The following CNTN4 variants were observed in gnomAD, a reference collection of about 807,000 sequenced individuals.
CNTN4 encodes the protein contactin 4, also known as contactin-4.
Under a neutral mutation model 122.5 loss-of-function variants are expected in CNTN4, and 77 were observed. The ratio of observed to expected loss-of-function variants is 0.63; its 90% confidence interval spans 0.52 to 0.76. The LOEUF (loss-of-function observed/expected upper bound fraction) is 0.76, where lower values mean the gene tolerates loss of function less well. Among genes scored for constraint, CNTN4 ranks in the 30% least tolerant of loss-of-function variants. The pLI is 0.00. For missense variants in CNTN4, 1,256 were observed against 1,259.1 expected (o/e 1.00, Z 0.04); for synonymous variants, 512 against 447.0 (o/e 1.15, Z -1.83).
At chr3:2,885,369 T>C in intron 9 of CNTN4, among the ~76,000 whole-genome samples, 1 of 152,146 alleles carries the variant, frequency 6.6e-6, no homozygotes, top group East Asian at 1.9e-4. Flanking sequence ...ACAGATGGCA[T>C]CTTTCTTTCT....
intron 2 of CNTN4, among the ~76,000 whole-genome samples, chr3:2,199,428 A>G (rs2149380938): frequency 6.6e-6 from 1 of 151,980 alleles, no homozygotes; most frequent in South Asian, 2.1e-4. Context: ...TCCCTACCAT[A>G]TTTTTATTAT....
intron 3 of CNTN4, among the ~76,000 whole-genome samples, chr3:2,545,722 G>A (rs1192747467): frequency 6.6e-6 from 1 of 151,160 alleles, no homozygotes; most frequent in African/African-American, 2.4e-5. Flanking sequence ...TTGCTTGGTA[G>A]ATATTCTTCC....
At chr3:2,592,358 T>A (rs1291350735) in intron 4 of CNTN4, among the ~76,000 whole-genome samples, 5 of 152,200 alleles carry the variant, frequency 3.3e-5, no homozygotes, top group African/African-American at 1.2e-4. Context: ...AAGACAAATA[T>A]AATTCAAAGT....
chr3:2,993,525 C>G (rs888547155), intron 14 of CNTN4, among the ~76,000 whole-genome samples: 1 of 151,878 alleles, frequency 6.6e-6, no homozygotes, highest in Non-Finnish European at 1.5e-5. Context: ...GTTTCGAACT[C>G]CTGACCTCAG....
chr3:2,884,548 C>G (rs1294901224), intron 9 of CNTN4, among the ~76,000 whole-genome samples: 1 of 152,106 alleles, frequency 6.6e-6, no homozygotes, highest in Non-Finnish European at 1.5e-5. Context: ...ACATTTAAGA[C>G]ATAGAAAATG....
chr3:3,003,573 G>A (rs1696256551), intron 14 of CNTN4, among the ~76,000 whole-genome samples: 2 of 150,750 alleles, frequency 1.3e-5, no homozygotes, highest in African/African-American at 4.9e-5. Context: ...TAGATTCGTA[G>A]CTGCCAGGGG....
In CNTN4 at chr3:2,131,736, A is replaced by G. The variant is rs73013122; in HGVS notation, c.-145+31097A>G. Among the ~76,000 whole-genome samples, 1,214 of 152,350 alleles carry G rather than the reference A, an allele frequency of 8.0e-3. 13 individuals are homozygous for G. The highest frequency in any genetic ancestry group is 0.011 in the Non-Finnish European group (719 of 68,036). Reference sequence around the variant, plus strand: ...CCAGTTAGTTTTTTAAGTATAATCCATTTTAAGTTTACCACCTGCTTGATA... The same window carrying G: ...CCAGTTAGTTTTTTAAGTATAATCCGTTTTAAGTTTACCACCTGCTTGATA... On this transcript the variant is annotated intron_variant, in intron 2 of 24. Transcript: ENST00000418658.
intron 4 of CNTN4, among the ~76,000 whole-genome samples, chr3:2,574,670 C>T (rs1291058729): frequency 6.6e-6 from 1 of 152,078 alleles, no homozygotes; most frequent in African/African-American, 2.4e-5. Context: ...TCATAAAACC[C>T]TGCTACCTAA....
intron 4 of CNTN4, among the ~76,000 whole-genome samples, chr3:2,605,429 T>C (rs1600355): frequency 0.59 from 90,102 of 151,960 alleles, 28,127 homozygotes; most frequent in East Asian, 0.9. Flanking sequence ...GTAAAGACTT[T>C]GGATTTTTTT....
chr3:2,193,915 A>G (rs1240922011), intron 2 of CNTN4, among the ~76,000 whole-genome samples: 1 of 152,214 alleles, frequency 6.6e-6, no homozygotes, highest in African/African-American at 2.4e-5. Context: ...GTAGTAGGCT[A>G]TATCATTTAG....
At chr3:2,928,535 G>A (rs1315971798) in intron 13 of CNTN4, among the ~76,000 whole-genome samples, 1 of 152,186 alleles carries the variant, frequency 6.6e-6, no homozygotes, top group Non-Finnish European at 1.5e-5. Flanking sequence ...ACAGCTTTGA[G>A]TAATAATTTC....
intron 12 of CNTN4, among the ~76,000 whole-genome samples, chr3:2,916,457 G>A (rs2094356495): frequency 6.7e-6 from 1 of 149,576 alleles, no homozygotes; most frequent in African/African-American, 2.5e-5. Flanking sequence ...ATCTTGCACC[G>A]CCCTTAATCC....
At chr3:2,237,231 T>C (rs552329430) in intron 2 of CNTN4, among the ~76,000 whole-genome samples, 4 of 151,996 alleles carry the variant, frequency 2.6e-5, no homozygotes, top group Non-Finnish European at 4.4e-5. Flanking sequence ...GTGAATGAAG[T>C]AAAATGGTCT....
intron 2 of CNTN4, among the ~76,000 whole-genome samples, chr3:2,331,033 A>T (rs972141524): frequency 1.3e-5 from 2 of 152,164 alleles, no homozygotes; most frequent in Non-Finnish European, 2.9e-5. Flanking sequence ...GTTTTCATAC[A>T]ATTGTGCCTT....
At chr3:2,242,555 A>T (rs2039983391) in intron 2 of CNTN4, among the ~76,000 whole-genome samples, 1 of 152,146 alleles carries the variant, frequency 6.6e-6, no homozygotes, top group Non-Finnish European at 1.5e-5. Context: ...TTCATAGCAG[A>T]TTACAGGGTC....
In CNTN4 at chr3:2,949,844, A is replaced by G. The variant is rs2094719898; in HGVS notation, c.1358+24065A>G. On this transcript the variant is annotated intron_variant, in intron 13 of 24. Transcript: ENST00000418658. ...ACAATACCCAAACCCTAACTGATAT[A>G]GGCAAACAGATAGAACATCTTTAAT... Among the ~76,000 whole-genome samples the G allele has an allele frequency of 2.6e-5, 4 of 152,340 alleles. No individual in the cohort carries two copies. The South Asian group carries it at 8.3e-4, about 32-fold the overall frequency.
rs561020171 is a variant in CNTN4 at position 2,747,307 on chromosome 3, G to T, written c.358+1610G>T. On this transcript the variant is annotated intron_variant, in intron 6 of 24. Transcript: ENST00000418658. ...GCCTGTAGTCCCAGCTGCTCGGGAG[G>T]CTGAGGCAGGAGAATGGCGGGAACC... Among the ~76,000 whole-genome samples the T allele has an allele frequency of 7.5e-4, 114 of 151,806 alleles. 2 individuals carry two copies. The highest frequency in any genetic ancestry group is 2.8e-3 in the African/African-American group (114 of 41,236).
At chr3:2,457,200 T>C (rs1559569286) in intron 3 of CNTN4, among the ~76,000 whole-genome samples, 1 of 152,130 alleles carries the variant, frequency 6.6e-6, no homozygotes, top group African/African-American at 2.4e-5. Context: ...ATACTTTCAA[T>C]TGTTGTGTTT....
At chr3:2,900,134 C>T (rs1441791366) in intron 10 of CNTN4, among the ~76,000 whole-genome samples, 1 of 152,174 alleles carries the variant, frequency 6.6e-6, no homozygotes, top group Non-Finnish European at 1.5e-5. Context: ...TCCATGTCTG[C>T]ACCCAAGGCT....
Sources: allele counts gnomAD v4.1 joint callset (sites outside exome capture counted in the v4.1 genomes callset), GRCh38; gene constraint gnomAD v4.1.1; transcripts MANE v1.5; gene names NCBI Gene and HGNC (gene_info 2026-07-23, HGNC 2026-07-21).